Variants in AGTPBP1 observed in about 807,000 individuals in gnomAD.
AGTPBP1 encodes cytosolic carboxypeptidase 1.
Under a neutral mutation model 143.9 loss-of-function variants are expected in AGTPBP1, and 70 were observed. That is an observed-to-expected ratio of 0.49 (90% CI 0.40 to 0.59). AGTPBP1 has a LOEUF of 0.59. AGTPBP1 is among the 20% of genes least tolerant of loss of function. AGTPBP1 has a pLI of 0.00. For missense variants in AGTPBP1, 1,229 were observed against 1,464.5 expected (o/e 0.84, Z 2.62); for synonymous variants, 463 against 500.2 (o/e 0.93, Z 0.99).
At chr9:85,685,582 T>G (rs1564143523) in intron 3 of AGTPBP1, among the ~76,000 whole-genome samples, 1 of 151,682 alleles carries the variant, frequency 6.6e-6, no homozygotes, top group Non-Finnish European at 1.5e-5. Flanking sequence ...ACTGTCAGAT[T>G]AAGAAAAAAA....
the AGTPBP1 span, among the ~76,000 whole-genome samples, chr9:85,773,572 A>G: frequency 9.2e-5 from 14 of 151,884 alleles, no homozygotes; most frequent in African/African-American, 2.9e-4. Flanking sequence ...TCCTCACCTC[A>G]AGTGATCCCC....
intron 1 of AGTPBP1, among the ~76,000 whole-genome samples, chr9:85,727,155 C>A (rs746870112): frequency 2.6e-5 from 4 of 151,932 alleles, no homozygotes; most frequent in African/African-American, 4.8e-5. Context: ...GGTGAAACCC[C>A]GTCTCTACCA....
chr9:85,562,498 A>G (rs1826805828), intron 25 of AGTPBP1, among the ~76,000 whole-genome samples: 1 of 152,152 alleles, frequency 6.6e-6, no homozygotes, highest in Non-Finnish European at 1.5e-5. Context: ...TAACTCACAC[A>G]CTCAGAAGTT....
At position 85,713,882 on chromosome 9, in the gene AGTPBP1, A is replaced by G. The variant is rs185751798; in HGVS notation, c.-33-1316T>C. 2.6e-5 allele frequency among the ~76,000 whole-genome samples: 4 copies of G among 152,358 alleles called. No individual in the cohort carries two copies. The East Asian group carries it at 7.7e-4, about 29-fold the overall frequency. On this transcript the variant is annotated intron_variant, in intron 1 of 25. Coordinates refer to ENST00000357081, the MANE Select transcript of AGTPBP1 (RefSeq NM_001330701.2). ...TTTTAAGACACAACTACAAAATCAA[A>G]GTAACTTTTTTCTATTTCTAAATTA...
intron 15 of AGTPBP1, among the ~76,000 whole-genome samples, chr9:85,619,744 A>G (rs1045713302): frequency 6.6e-6 from 1 of 152,176 alleles, no homozygotes; most frequent in African/African-American, 2.4e-5. Context: ...ATCATTTTAC[A>G]TATTGATTAT....
chr9:85,734,730 T>C (rs1233120615), intron 1 of AGTPBP1, among the ~76,000 whole-genome samples: 1 of 152,150 alleles, frequency 6.6e-6, no homozygotes, highest in Non-Finnish European at 1.5e-5. Flanking sequence ...AGAATTACCA[T>C]ACAATCTGGC....
At chr9:85,646,748 A>C (rs1378129567) in intron 11 of AGTPBP1, among the ~76,000 whole-genome samples, 1 of 152,074 alleles carries the variant, frequency 6.6e-6, no homozygotes, top group South Asian at 2.1e-4. Context: ...TCATCCCTTT[A>C]TAATTGACCC....
chr9:85,695,222 G>A (rs1026058142), intron 2 of AGTPBP1, among the ~76,000 whole-genome samples: 2 of 152,056 alleles, frequency 1.3e-5, no homozygotes, highest in Admixed American at 1.3e-4. Flanking sequence ...ATAACTATAG[G>A]ACAATATCAA....
rs142070264 is a variant in AGTPBP1, at chr9:85,636,231, G to A, written c.1303-2857C>T. ...GAAATAAAATATAGAAAACAAGAAA[G>A]ACTGATTAAATGCATTTTGTAAGGT... On this transcript the variant is annotated intron_variant, in intron 13 of 25. Coordinates refer to ENST00000357081, the MANE Select transcript of AGTPBP1 (RefSeq NM_001330701.2). Among the ~76,000 whole-genome samples, 12 of 146,318 alleles carry A rather than the reference G, an allele frequency of 8.2e-5. No individual in the cohort carries two copies. In the East Asian group the frequency reaches 2.4e-3, roughly 30 times the overall value.
At chr9:85,660,585 T>C (rs748904039) in intron 9 of AGTPBP1, among the ~76,000 whole-genome samples, 3 of 152,138 alleles carry the variant, frequency 2.0e-5, no homozygotes, top group Non-Finnish European at 4.4e-5. Context: ...TTAAAGATAT[T>C]TCTTATAGTA....
At chr9:85,719,250 C>T (rs1837940434) in intron 1 of AGTPBP1, among the ~76,000 whole-genome samples, 1 of 152,076 alleles carries the variant, frequency 6.6e-6, no homozygotes, top group African/African-American at 2.4e-5. Context: ...TATAAATTAC[C>T]TTGGGCAGTA....
At position 85,607,592 on chromosome 9, in the gene AGTPBP1, C is replaced by T. The variant is rs550753412; in HGVS notation, c.2336-11143G>A. ...TGTGCTTAAAACTGTAAATTTTTTG[C>T]CTCAAATATAGATAATCAAAATATT... On this transcript the variant is annotated intron_variant, in intron 17 of 25. Transcript: ENST00000357081. Among the ~76,000 whole-genome samples the T allele has an allele frequency of 9.2e-5, 14 of 152,046 alleles. 1 individual carries two copies. The South Asian group carries it at 1.5e-3, about 16-fold the overall frequency.
chr9:85,674,475 T>C (rs1834698179), intron 6 of AGTPBP1, among the ~76,000 whole-genome samples: 1 of 152,106 alleles, frequency 6.6e-6, no homozygotes, highest in African/African-American at 2.4e-5. Flanking sequence ...AGAGAAAGCA[T>C]AACAATACTC....
chr9:85,657,461 T>A lies in AGTPBP1; in HGVS notation c.883A>T (p.Met295Leu), dbSNP rs1833595620. The A allele has an allele frequency of 6.2e-7, 1 of 1,613,370 alleles. No individual in the cohort carries two copies. Among genetic ancestry groups the A allele is most frequent in the Admixed American group, 1.7e-5 (1 of 59,980 alleles). Residue 295 changes from methionine to leucine, a missense_variant, in exon 10 of 26, where the codon ATG becomes TTG. Met to Leu is a conservative substitution (Grantham distance 15). Transcript: ENST00000357081. ...GRKAFIDANG[M>L]KILYNTSQEC... ...TGCGAAGTATTATACAGAATTTTCA[T>A]CCCATTGGCATCAATAAATGCTTTT...
chr9:85,741,765 G>C lies in AGTPBP1; in HGVS notation c.-34+10C>G. On this transcript the variant is annotated intron_variant, in intron 1 of 25. Coordinates refer to ENST00000357081, the MANE Select transcript of AGTPBP1 (RefSeq NM_001330701.2). The stretch of plus-strand genomic sequence containing the variant: ...CGGCCGGGACATGAGGACTGCAGCA[G>C]GGCGCTCACCGGCTCAGGATGGGGC... 7.5e-7 allele frequency: 1 copy of C among 1,325,834 alleles called. No homozygotes were observed. The highest frequency in any genetic ancestry group is 9.6e-7 in the Non-Finnish European group (1 of 1,041,094). The allele number at this position is 1,325,834 out of a possible 1,614,324, so 82.1% of individuals were successfully genotyped here.
At chr9:85,675,368 A>AT (rs925872437) in intron 6 of AGTPBP1, among the ~76,000 whole-genome samples, 7 of 151,950 alleles carry the variant, frequency 4.6e-5, no homozygotes, top group African/African-American at 1.7e-4. Flanking sequence ...CCCAATTTGC[A>AT]TTTTTTAATA....
chr9:85,634,760 T>G (rs1831925091), intron 13 of AGTPBP1, among the ~76,000 whole-genome samples: 1 of 152,352 alleles, frequency 6.6e-6, no homozygotes, highest in East Asian at 1.9e-4. Context: ...GTTTTTGCTT[T>G]GTTTATAATG....
intron 17 of AGTPBP1, among the ~76,000 whole-genome samples, chr9:85,618,084 A>T (rs928022172): frequency 6.6e-6 from 1 of 152,118 alleles, no homozygotes; most frequent in Non-Finnish European, 1.5e-5. Context: ...TACTAAAAGT[A>T]CAAAAATTAT....
chr9:85,586,956 G>A lies in AGTPBP1; in HGVS notation c.2908C>T (p.Arg970Cys). Residue 970 changes from arginine to cysteine, a missense_variant, in exon 22 of 26, where the codon CGC (arginine) becomes TGC (cysteine). Arg to Cys is a radical substitution (Grantham distance 180). Coordinates refer to ENST00000357081, the MANE Select transcript of AGTPBP1 (RefSeq NM_001330701.2). ...NPDGVINGNH[R>C]CSLSGEDLNR... ...AAATCCTCTCCACTTAAAGAACAGC[G>A]ATGACTACATGTACATAAACACAAA... 2 of 1,613,628 alleles carry A rather than the reference G, an allele frequency of 1.2e-6. No individual in the cohort carries two copies. The highest frequency in any genetic ancestry group is 1.7e-6 in the Non-Finnish European group (2 of 1,179,758).
Sources: allele counts gnomAD v4.1 joint callset (sites outside exome capture counted in the v4.1 genomes callset), GRCh38; gene constraint gnomAD v4.1.1; transcripts MANE v1.5; gene names NCBI Gene and HGNC (gene_info 2026-07-23, HGNC 2026-07-21).